The following CSGALNACT1 variants were observed in gnomAD, a reference collection of about 807,000 sequenced individuals.
The protein encoded by CSGALNACT1 is chondroitin sulfate N-acetylgalactosaminyltransferase 1.
In CSGALNACT1, 52 loss-of-function variants were observed where a neutral mutation model predicts 51.0. That is an observed-to-expected ratio of 1.02 (90% confidence interval 0.82 to 1.29). The LOEUF is 1.29. CSGALNACT1 is among the 50% of genes most tolerant of loss of function. The probability of loss-of-function intolerance (pLI) is 0.00; values close to 1 mark genes in which losing one functional copy is unlikely to be tolerated. For missense variants in CSGALNACT1, 935 were observed against 679.2 expected (o/e 1.38, Z -4.19); for synonymous variants, 341 against 254.4 (o/e 1.34, Z -3.24).
At chr8:19,574,731 C>G (rs947689123) in intron 3 of CSGALNACT1, among the ~76,000 whole-genome samples, 4 of 152,060 alleles carry the variant, frequency 2.6e-5, no homozygotes, top group African/African-American at 9.7e-5. Context: ...TGTCTAAAAT[C>G]TCTTAAAATC....
intron 1 of CSGALNACT1, among the ~76,000 whole-genome samples, chr8:19,662,484 T>C (rs193055715): frequency 6.6e-6 from 1 of 152,318 alleles, no homozygotes; most frequent in African/African-American, 2.4e-5. Context: ...AGTTAAACTG[T>C]TAGGCTGATG....
intron 1 of CSGALNACT1, among the ~76,000 whole-genome samples, chr8:19,663,419 T>C (rs556855835): frequency 1.3e-5 from 2 of 152,316 alleles, no homozygotes; most frequent in East Asian, 3.9e-4. Flanking sequence ...TACAAGTAAA[T>C]ATATTCAGAG....
At chr8:19,476,667 C>T (rs2069746966) in intron 4 of CSGALNACT1, among the ~76,000 whole-genome samples, 1 of 152,186 alleles carries the variant, frequency 6.6e-6, no homozygotes, top group African/African-American at 2.4e-5. Flanking sequence ...ACAGCTTCCA[C>T]CTTGTTTGCT....
At chr8:19,421,856 T>C (rs2058004417) in intron 6 of CSGALNACT1, among the ~76,000 whole-genome samples, 1 of 152,210 alleles carries the variant, frequency 6.6e-6, no homozygotes, top group Admixed American at 6.5e-5. Flanking sequence ...ATGCCAAACA[T>C]GCCTTTCAGA....
upstream of CSGALNACT1, among the ~76,000 whole-genome samples, chr8:19,686,307 G>GA (rs964454445): frequency 4.2e-4 from 64 of 151,812 alleles, no homozygotes; most frequent in African/African-American, 1.4e-3. Context: ...CAGCTTAGAG[G>GA]AAAAAAAACT....
chr8:19,712,003 A>AG (rs1244093380), intron 1 of CSGALNACT1, among the ~76,000 whole-genome samples: 8 of 152,178 alleles, frequency 5.3e-5, no homozygotes, highest in African/African-American at 1.7e-4. Context: ...TAAGTGGTGA[A>AG]GCCGGGGTTA....
chr8:19,571,479 A>C lies in CSGALNACT1; in HGVS notation c.-297+19681T>G, dbSNP rs370695749. ...ACCAAAACAAAAACAAAAACAAAAA[A>C]AAAAAACAGAACCAGGGAAAGAGTC... is the stretch of plus-strand genomic sequence containing the variant. On this transcript the variant is annotated intron_variant, in intron 3 of 9. Coordinates refer to ENST00000454498, the Ensembl canonical transcript of CSGALNACT1. Among the ~76,000 whole-genome samples the C allele has an allele frequency of 1.9e-3, 290 of 151,336 alleles. 4 individuals carry two copies. Among genetic ancestry groups the C allele is most frequent in the East Asian group, 0.01 (52 of 5,184 alleles).
chr8:19,575,810 G>A (rs1352643512), intron 3 of CSGALNACT1, among the ~76,000 whole-genome samples: 1 of 152,016 alleles, frequency 6.6e-6, no homozygotes, highest in African/African-American at 2.4e-5. Flanking sequence ...AAGTTGCGGA[G>A]GCTTAGATGA....
chr8:19,673,843 C>G (rs1468203431), intron 1 of CSGALNACT1, among the ~76,000 whole-genome samples: 2 of 152,208 alleles, frequency 1.3e-5, no homozygotes, highest in Non-Finnish European at 2.9e-5. Flanking sequence ...TATTGTTTGT[C>G]TTTTGGTGCA....
At chr8:19,453,392 C>T (rs995844212) in intron 5 of CSGALNACT1, among the ~76,000 whole-genome samples, 4 of 152,084 alleles carry the variant, frequency 2.6e-5, no homozygotes, top group African/African-American at 7.2e-5. Flanking sequence ...AATCAAATTA[C>T]TGACACAATA....
At chr8:19,718,878 C>T (rs540418436) in intron 1 of CSGALNACT1, among the ~76,000 whole-genome samples, 1 of 152,324 alleles carries the variant, frequency 6.6e-6, no homozygotes, top group South Asian at 2.1e-4. Context: ...ATCTGGATTC[C>T]TGTAACCCAA....
intron 1 of CSGALNACT1, among the ~76,000 whole-genome samples, chr8:19,752,419 C>T (rs2065099665): frequency 6.6e-6 from 1 of 152,096 alleles, no homozygotes; most frequent in Non-Finnish European, 1.5e-5. Context: ...CCTAGCACAG[C>T]CCTGTGTACG....
chr8:19,704,886 T>A (rs2154224226), intron 1 of CSGALNACT1, among the ~76,000 whole-genome samples: 1 of 152,252 alleles, frequency 6.6e-6, no homozygotes, highest in South Asian at 2.1e-4. Context: ...TATGGAAGTT[T>A]TAAAAGTTGA....
intron 8 of CSGALNACT1, 106 bp from the exon 8 acceptor site, chr8:19,408,800 C>G (rs1377338030): frequency 1.4e-5 from 13 of 944,870 alleles, no homozygotes; most frequent in South Asian, 7.9e-5. Context: ...CATCCCATCA[C>G]TGATAAACAG....
intron 1 of CSGALNACT1, among the ~76,000 whole-genome samples, chr8:19,618,175 C>A (rs2053298290): frequency 6.6e-6 from 1 of 152,186 alleles, no homozygotes; most frequent in Non-Finnish European, 1.5e-5. Flanking sequence ...ATTACTGCAA[C>A]TGGCTATGCC....
At chr8:19,555,614 G>A (rs75288456) in intron 3 of CSGALNACT1, among the ~76,000 whole-genome samples, 3,452 of 152,246 alleles carry the variant, frequency 0.023, 146 homozygotes, top group African/African-American at 0.079. Flanking sequence ...AAACACCTGT[G>A]AGCATCAAAG....
intron 1 of CSGALNACT1, among the ~76,000 whole-genome samples, chr8:19,725,956 G>A (rs2063377728): frequency 6.6e-6 from 1 of 151,900 alleles, no homozygotes; most frequent in Admixed American, 6.6e-5. Context: ...ACATTCTATG[G>A]GTCTGGACAA....
chr8:19,528,358 G>T (rs559551083), intron 3 of CSGALNACT1, among the ~76,000 whole-genome samples: 2 of 151,292 alleles, frequency 1.3e-5, no homozygotes, highest in East Asian at 3.9e-4. Context: ...TCCGCTATTA[G>T]ACATAAACCA....
intron 3 of CSGALNACT1, among the ~76,000 whole-genome samples, chr8:19,574,631 C>A (rs1453520724): frequency 6.6e-6 from 1 of 152,190 alleles, no homozygotes; most frequent in East Asian, 1.9e-4. Context: ...GAGTCCGACC[C>A]TGGCAGTGCC....
Sources: gnomAD v4.1 joint callset for allele counts (sites outside exome capture counted in the v4.1 genomes callset) on GRCh38, gnomAD v4.1.1 for gene constraint, MANE v1.5 for transcripts, NCBI Gene and HGNC (gene_info 2026-07-23, HGNC 2026-07-21) for gene names.